MCF2L2: variants seen among roughly 807,000 people sequenced by gnomAD.
MCF2L2 encodes the protein probable guanine nucleotide exchange factor MCF2L2.
In MCF2L2, 102 loss-of-function variants were observed where a neutral mutation model predicts 150.2. The observed-to-expected ratio is 0.68, with a 90% CI of 0.58 to 0.80. MCF2L2 has a LOEUF of 0.80. Among genes scored for constraint, MCF2L2 ranks in the 30% least tolerant of loss-of-function variants. The probability of loss-of-function intolerance (pLI) is 0.00; values close to 1 mark genes in which losing one functional copy is unlikely to be tolerated. For synonymous variants in MCF2L2, 465 were observed against 491.3 expected (o/e 0.95, Z 0.71); for missense variants, 1,256 against 1,372.8 (o/e 0.91, Z 1.34).
intron 10 of MCF2L2, among the ~76,000 whole-genome samples, chr3:183,308,289 A>AT (rs1284554954): frequency 2.6e-5 from 4 of 151,912 alleles, no homozygotes; most frequent in East Asian, 1.9e-4. Flanking sequence ...ATATGAAGGC[A>AT]TTTTTTTTGA....
chr3:183,393,876 CTGA>C (rs1194706427), intron 1 of MCF2L2, among the ~76,000 whole-genome samples: 3 of 152,224 alleles, frequency 2.0e-5, no homozygotes, highest in African/African-American at 4.8e-5. Context: ...GGAAACAGGG[CTGA>C]TGATATCTCA....
At chr3:183,259,759 C>CT (rs1725418444) in intron 15 of MCF2L2, among the ~76,000 whole-genome samples, 2 of 152,058 alleles carry the variant, frequency 1.3e-5, no homozygotes, top group Non-Finnish European at 2.9e-5. Context: ...GTCCCTGAAT[C>CT]TTTTTTGTGG....
At position 183,267,029 on chromosome 3, in the gene MCF2L2, TC is replaced by T. The variant is rs953032576; in HGVS notation, c.1862+9842del. 6.6e-6 allele frequency among the ~76,000 whole-genome samples: 1 copy of T among 152,086 alleles called. No homozygotes were observed. The highest frequency in any genetic ancestry group is 1.5e-5 in the Non-Finnish European group (1 of 67,998). ...TCAAACTCCTGACCTCAAGTGATCC[TC>T]CTGCCTCGGCCTCCCAAAGCGCTAG... is the stretch of plus-strand genomic sequence containing the variant. On this transcript the variant is annotated intron_variant, in intron 15 of 29. Transcript: ENST00000328913. This position sits in a 1 kb window ranked among gnomAD's most constrained non-coding sequence, Gnocchi z 5.5.
intron 4 of MCF2L2, among the ~76,000 whole-genome samples, chr3:183,339,879 G>A (rs1044909631): frequency 9.2e-5 from 14 of 152,184 alleles, no homozygotes; most frequent in African/African-American, 3.4e-4. Flanking sequence ...CAGGTAGCCA[G>A]ATTTGGGGAT....
At chr3:183,223,636 G>A (rs1723239615) in intron 19 of MCF2L2, among the ~76,000 whole-genome samples, 198 bp from the exon 20 acceptor site, 1 of 152,144 alleles carries the variant, frequency 6.6e-6, no homozygotes, top group African/African-American at 2.4e-5. Context: ...GAAAGAGGAC[G>A]GCTCGGCTAA....
Position 183,272,350 on chromosome 3 carries a change from C to G in MCF2L2, c.1862+4522G>C, listed in dbSNP as rs534864111. 741 of 1,000,224 alleles carry G rather than the reference C, an allele frequency of 7.4e-4. 2 individuals are homozygous for G. The highest frequency in any genetic ancestry group is 6.3e-3 in the Middle Eastern group (12 of 1,916). 62.0% of individuals were successfully genotyped at this position (1,000,224 alleles called of 1,614,324 possible). ...TTCAGCAAGAGTGACTGAACTCACT[C>G]TAAGGCCTTTGACTGCAGAGGCACC... On this transcript the variant is annotated intron_variant, in intron 15 of 29. Transcript: ENST00000328913.
intron 15 of MCF2L2, among the ~76,000 whole-genome samples, chr3:183,250,601 A>AG (rs1167784711): frequency 1.3e-5 from 2 of 152,138 alleles, no homozygotes; most frequent in East Asian, 3.9e-4. Context: ...AAAGAAAAAA[A>AG]AAAAAAAGAA....
chr3:183,271,069 G>T, intron 15 of MCF2L2: 2 of 792,062 alleles, frequency 2.5e-6, no homozygotes, highest in Non-Finnish European at 1.9e-6. Context: ...CCATCAGAAT[G>T]TTTCTTTGAT....
intron 1 of MCF2L2, among the ~76,000 whole-genome samples, chr3:183,393,628 G>A (rs1714287317): frequency 6.6e-6 from 1 of 152,224 alleles, no homozygotes; most frequent in African/African-American, 2.4e-5. Flanking sequence ...ACACAGAAGT[G>A]TGACTCTATT....
At chr3:183,365,597 C>T (rs1311545684) in intron 3 of MCF2L2, among the ~76,000 whole-genome samples, 1 of 152,172 alleles carries the variant, frequency 6.6e-6, no homozygotes, top group Non-Finnish European at 1.5e-5. Flanking sequence ...ATCTATACTT[C>T]ATACCAACCA....
intron 2 of MCF2L2, among the ~76,000 whole-genome samples, chr3:183,385,565 C>G (rs1304878887): frequency 1.3e-5 from 2 of 152,018 alleles, no homozygotes; most frequent in African/African-American, 2.4e-5. Flanking sequence ...AAGAGACAGG[C>G]AGAGAAAGGG....
intron 3 of MCF2L2, among the ~76,000 whole-genome samples, chr3:183,362,762 C>T (rs924870910): frequency 2.0e-5 from 3 of 152,062 alleles, no homozygotes; most frequent in African/African-American, 7.2e-5. Flanking sequence ...ACCACCAGCC[C>T]TGTCAATTAA....
At chr3:183,209,495 T>A (rs578129258) in intron 22 of MCF2L2, among the ~76,000 whole-genome samples, 13 of 152,256 alleles carry the variant, frequency 8.5e-5, no homozygotes, top group African/African-American at 3.1e-4. Context: ...ATTTTTTATT[T>A]TTTATTTTTT....
intron 5 of MCF2L2, among the ~76,000 whole-genome samples, chr3:183,334,585 C>G (rs888860022): frequency 1.3e-5 from 2 of 150,252 alleles, no homozygotes; most frequent in Admixed American, 1.3e-4. Flanking sequence ...GTCAGGAGTT[C>G]GAGACCAGCC....
chr3:183,424,777 A>C (rs1214686770), intron 1 of MCF2L2, among the ~76,000 whole-genome samples: 1 of 152,226 alleles, frequency 6.6e-6, no homozygotes, highest in African/African-American at 2.4e-5. Flanking sequence ...AAAGGTGTGT[A>C]CTATTTCTGT....
intron 15 of MCF2L2, among the ~76,000 whole-genome samples, chr3:183,257,481 C>T (rs1052026418): frequency 4.6e-5 from 7 of 152,196 alleles, no homozygotes; most frequent in Non-Finnish European, 7.3e-5. Context: ...GTTAAATATA[C>T]GTATTAACCT....
At chr3:183,269,677 A>G in intron 15 of MCF2L2, 1 of 892,318 alleles carries the variant, frequency 1.1e-6, no homozygotes, top group Non-Finnish European at 1.7e-6. Flanking sequence ...GAAGACTTCC[A>G]TTTTTAATGA....
chr3:183,412,623 T>C (rs1715372619), intron 1 of MCF2L2, among the ~76,000 whole-genome samples: 1 of 152,172 alleles, frequency 6.6e-6, no homozygotes, highest in South Asian at 2.1e-4. Flanking sequence ...TTTTAGTGGA[T>C]TCCCTAGGAT....
chr3:183,238,995 C>CAAAAAAAAA (rs60736939), intron 15 of MCF2L2, among the ~76,000 whole-genome samples: 1 of 88,864 alleles, frequency 1.1e-5, no homozygotes, highest in Non-Finnish European at 2.5e-5. Flanking sequence ...ATATCCGTCT[C>CAAAAAAAAA]AAAAAAAAAA....
Sources: gnomAD v4.1 joint callset for allele counts (sites outside exome capture counted in the v4.1 genomes callset) on GRCh38, gnomAD v4.1.1 for gene constraint, Gnocchi (gnomAD v3.1) non-coding constraint, MANE v1.5 for transcripts, NCBI Gene and HGNC (gene_info 2026-07-23, HGNC 2026-07-21) for gene names.